The following CNTN5 variants were observed in gnomAD, a reference collection of about 807,000 sequenced individuals.
CNTN5 encodes contactin 5.
A neutral mutation model predicts 129.1 loss-of-function variants in CNTN5; 77 were observed. The observed-to-expected ratio is 0.60, with a 90% CI of 0.50 to 0.72. CNTN5 has a LOEUF of 0.72. Ranked by LOEUF, CNTN5 falls within the 30% of genes least tolerant of loss-of-function variation. The pLI is 0.00. For missense variants in CNTN5, 1,478 were observed against 1,328.8 expected (o/e 1.11, Z -1.75); for synonymous variants, 509 against 465.6 (o/e 1.09, Z -1.20).
intron 13 of CNTN5, among the ~76,000 whole-genome samples, chr11:100,183,213 A>G: frequency 6.6e-6 from 1 of 152,198 alleles, no homozygotes. Flanking sequence ...AAACGTAAGC[A>G]TAAAGAAGTT....
At chr11:100,048,774 T>C (rs1030702823) in intron 9 of CNTN5, among the ~76,000 whole-genome samples, 1 of 152,026 alleles carries the variant, frequency 6.6e-6, no homozygotes, top group African/African-American at 2.4e-5. Context: ...AACAAAAATA[T>C]TTTGAAGAGT....
intron 10 of CNTN5, among the ~76,000 whole-genome samples, chr11:100,067,498 T>G (rs1344102125): frequency 6.6e-6 from 1 of 151,834 alleles, no homozygotes; most frequent in East Asian, 1.9e-4. Context: ...TTTGCTATTA[T>G]GCAACATAGA....
intron 2 of CNTN5, among the ~76,000 whole-genome samples, chr11:99,368,491 A>G (rs1939603491): frequency 6.6e-6 from 1 of 152,106 alleles, no homozygotes; most frequent in Non-Finnish European, 1.5e-5. Context: ...TAAAAAAAAA[A>G]AAATTGAAAA....
At chr11:99,463,437 C>CAAAAAA (rs1378225524) in intron 2 of CNTN5, among the ~76,000 whole-genome samples, 18 of 6,442 alleles carry the variant, frequency 2.8e-3, no homozygotes, top group African/African-American at 5.3e-3. Context: ...GACTCTGTCT[C>CAAAAAA]AAAAAGAAAA....
At chr11:99,752,150 C>A (rs747266461) in intron 3 of CNTN5, among the ~76,000 whole-genome samples, 1 of 152,106 alleles carries the variant, frequency 6.6e-6, no homozygotes, top group Non-Finnish European at 1.5e-5. Flanking sequence ...GTAATTGCTC[C>A]CTCTCTGCCT....
At chr11:99,333,956 T>C (rs79470846) in intron 2 of CNTN5, among the ~76,000 whole-genome samples, 12,352 of 81,152 alleles carry the variant, frequency 0.15, 588 homozygotes, top group Middle Eastern at 0.2. Flanking sequence ...ACTCATCAAC[T>C]TTCTCTCTCT....
At chr11:99,779,652 A>G (rs1945244995) in intron 3 of CNTN5, among the ~76,000 whole-genome samples, 1 of 152,038 alleles carries the variant, frequency 6.6e-6, no homozygotes, top group African/African-American at 2.4e-5. Context: ...GAATAGGGTT[A>G]TGATTCTTAC....
intron 9 of CNTN5, among the ~76,000 whole-genome samples, chr11:100,056,222 T>A (rs1334305776): frequency 6.6e-6 from 1 of 151,742 alleles, no homozygotes; most frequent in Non-Finnish European, 1.5e-5. Context: ...GCTGTGAACG[T>A]TCAATATGAA....
In CNTN5 at chr11:100,002,145, A is replaced by G. The variant is rs1311648199; in HGVS notation, c.980+9A>G. 2.0e-6 allele frequency: 3 copies of G among 1,481,874 alleles called. No homozygotes were observed. The highest frequency in any genetic ancestry group is 1.4e-5 in the South Asian group (1 of 73,714). The allele number at this position is 1,481,874 out of a possible 1,614,324, so 91.8% of individuals were successfully genotyped here. On this transcript the variant is annotated intron_variant, in intron 9 of 24. Transcript: ENST00000524871. Reference sequence around the variant, plus strand: ...TGCTTTGCACTTGGCAAGTAAGTACATGTTCTTCCATAATTAAACACAATT... The same window carrying G: ...TGCTTTGCACTTGGCAAGTAAGTACGTGTTCTTCCATAATTAAACACAATT...
chr11:100,070,566 G>T lies in CNTN5; in HGVS notation c.1299+6G>T. 1.2e-6 allele frequency: 2 copies of T among 1,612,448 alleles called. No homozygotes were observed. The highest frequency in any genetic ancestry group is 1.7e-6 in the Non-Finnish European group (2 of 1,179,032). Reference sequence around the variant, plus strand: ...GAGTACCCCTCTCACCTCAGGTACTGTTGGGAGTTATTAACCTGTTCTGCT... The same window carrying T: ...GAGTACCCCTCTCACCTCAGGTACTTTTGGGAGTTATTAACCTGTTCTGCT... On this transcript the variant is annotated splice_donor_region_variant and intron_variant, in intron 11 of 24. Transcript: ENST00000524871.
At chr11:99,679,197 A>AATATATATATATATATATAT (rs34768290) in intron 3 of CNTN5, among the ~76,000 whole-genome samples, 6 of 146,090 alleles carry the variant, frequency 4.1e-5, no homozygotes, top group African/African-American at 1.5e-4. Flanking sequence ...ATATATAGGG[A>AATATATATATATATATATAT]ATATATATAT....
chr11:99,837,772 T>A (rs1379636933), intron 4 of CNTN5, among the ~76,000 whole-genome samples: 1 of 151,076 alleles, frequency 6.6e-6, no homozygotes, highest in Non-Finnish European at 1.5e-5. Context: ...ACATCAAGAA[T>A]AAAGTGGGCT....
At chr11:99,429,988 A>G (rs529726823) in intron 2 of CNTN5, among the ~76,000 whole-genome samples, 1 of 152,260 alleles carries the variant, frequency 6.6e-6, no homozygotes, top group East Asian at 1.9e-4. Flanking sequence ...AAAGCTAAGA[A>G]TATCAAGTAA....
chr11:100,206,538 G>A (rs961446744), intron 15 of CNTN5, among the ~76,000 whole-genome samples: 3 of 152,122 alleles, frequency 2.0e-5, no homozygotes, highest in East Asian at 1.9e-4. Flanking sequence ...ATAAGTATAC[G>A]TGTTTTACAT....
intron 1 of CNTN5, among the ~76,000 whole-genome samples, chr11:99,108,599 C>T (rs1365397012): frequency 1.3e-5 from 2 of 152,052 alleles, no homozygotes; most frequent in South Asian, 4.1e-4. Flanking sequence ...AGCATAATAT[C>T]TAAAATGCCC....
At chr11:99,289,855 T>C (rs1423514918) in intron 1 of CNTN5, among the ~76,000 whole-genome samples, 2 of 151,838 alleles carry the variant, frequency 1.3e-5, no homozygotes, top group African/African-American at 4.8e-5. Flanking sequence ...AGCAAGACTA[T>C]GAATGGGATA....
At chr11:99,818,570 T>C (rs531232273) in intron 3 of CNTN5, among the ~76,000 whole-genome samples, 53 of 152,218 alleles carry the variant, frequency 3.5e-4, no homozygotes, top group African/African-American at 1.2e-3. Flanking sequence ...ACTGCCAGAG[T>C]CTTAGAAGTA....
At chr11:99,844,318 A>G (rs148996610) in intron 4 of CNTN5, among the ~76,000 whole-genome samples, 1 of 152,292 alleles carries the variant, frequency 6.6e-6, no homozygotes, top group East Asian at 1.9e-4. Context: ...AAATACCTTT[A>G]TGCATGTTAC....
intron 3 of CNTN5, among the ~76,000 whole-genome samples, chr11:99,593,403 T>A (rs1404573974): frequency 6.6e-6 from 1 of 152,170 alleles, no homozygotes; most frequent in Non-Finnish European, 1.5e-5. Context: ...GTTGTTTGAT[T>A]CTTTAAGTGA....
Sources: allele counts gnomAD v4.1 joint callset (sites outside exome capture counted in the v4.1 genomes callset), GRCh38; gene constraint gnomAD v4.1.1; transcripts MANE v1.5; gene names NCBI Gene and HGNC (gene_info 2026-07-23, HGNC 2026-07-21).